Variants in C11orf65 observed in about 807,000 individuals in gnomAD.
C11orf65 encodes protein MFI.
C11orf65 carries 38 observed loss-of-function variants against 35.3 expected under a neutral mutation model. The observed-to-expected ratio is 1.08, with a 90% CI of 0.83 to 1.41. The LOEUF (loss-of-function observed/expected upper bound fraction) is 1.41, where lower values mean the gene tolerates loss of function less well. Ranked by LOEUF, C11orf65 falls within the 40% of genes most tolerant of loss-of-function variation. The pLI is 0.00. For missense variants in C11orf65, 370 were observed against 367.1 expected (o/e 1.01, Z -0.06); for synonymous variants, 105 against 114.4 (o/e 0.92, Z 0.53).
chr11:108,368,068 T>C (rs1192741829), intron 2 of C11orf65: 2 of 208,176 alleles, frequency 9.6e-6, no homozygotes, highest in Non-Finnish European at 2.0e-5. Flanking sequence ...ATCTACTCTT[T>C]AGCCTTGCAT....
intron 2 of C11orf65, among the ~76,000 whole-genome samples, chr11:108,362,509 T>C (rs1290673028): frequency 3.7e-4 from 55 of 149,772 alleles, no homozygotes; most frequent in African/African-American, 1.3e-3. Context: ...CGTATGTTTA[T>C]TGCGGCATTA....
intron 6 of C11orf65, chr11:108,320,126 A>G: frequency 1.6e-6 from 2 of 1,231,590 alleles, no homozygotes; most frequent in African/African-American, 1.5e-5. Flanking sequence ...TGAAAACTTG[A>G]GAAACAATTT....
At chr11:108,408,746 G>T (rs2092603054) in intron 3 of C11orf65, among the ~76,000 whole-genome samples, 1 of 111,462 alleles carries the variant, frequency 9.0e-6, no homozygotes, top group Non-Finnish European at 2.0e-5. Flanking sequence ...TATAAGAATT[G>T]TATATAATAG....
At chr11:108,310,076 A>G in intron 6 of C11orf65, 2 of 1,425,100 alleles carry the variant, frequency 1.4e-6, no homozygotes, top group Admixed American at 3.7e-5. Context: ...AGCAGTCACT[A>G]CCATTGTATT....
intron 2 of C11orf65, among the ~76,000 whole-genome samples, chr11:108,374,438 G>C (rs1031286466): frequency 1.6e-4 from 24 of 152,210 alleles, no homozygotes. Flanking sequence ...CTGTCTGTTA[G>C]AAGGAAAACT....
At chr11:108,374,665 G>A (rs1452486975) in intron 2 of C11orf65, among the ~76,000 whole-genome samples, 1 of 152,212 alleles carries the variant, frequency 6.6e-6, no homozygotes. Flanking sequence ...GAGAGAAGAA[G>A]GCTTCAGATG....
At chr11:108,341,502 G>A (rs909164773) in intron 2 of C11orf65, among the ~76,000 whole-genome samples, 4 of 152,070 alleles carry the variant, frequency 2.6e-5, no homozygotes, top group Middle Eastern at 3.2e-3. Flanking sequence ...CCCTAGCCCT[G>A]TGTGTAACAT....
chr11:108,387,025 T>C (rs1284594062), intron 7 of C11orf65, among the ~76,000 whole-genome samples: 2 of 149,914 alleles, frequency 1.3e-5, no homozygotes, highest in African/African-American at 2.5e-5. Context: ...GAGCTTGCAG[T>C]GAACTGAGAT....
At chr11:108,346,763 T>C (rs1159239910) in intron 2 of C11orf65, among the ~76,000 whole-genome samples, 1 of 152,162 alleles carries the variant, frequency 6.6e-6, no homozygotes, top group East Asian at 1.9e-4. Flanking sequence ...TTAGTGCATG[T>C]CATCATCTGT....
At chr11:108,398,755 T>C (rs1179938814) in intron 6 of C11orf65, among the ~76,000 whole-genome samples, 1 of 152,240 alleles carries the variant, frequency 6.6e-6, no homozygotes, top group Non-Finnish European at 1.5e-5. Context: ...CACACTTCCT[T>C]TGCTGTTAAT....
chr11:108,429,530 T>C (rs2092955630), intron 3 of C11orf65, among the ~76,000 whole-genome samples: 1 of 152,226 alleles, frequency 6.6e-6, no homozygotes, highest in Non-Finnish European at 1.5e-5. Context: ...ATAACCCTTG[T>C]GCATTATTGG....
intron 6 of C11orf65, among the ~76,000 whole-genome samples, chr11:108,399,735 TA>T (rs1218956573): frequency 6.6e-6 from 1 of 152,172 alleles, no homozygotes; most frequent in East Asian, 1.9e-4. Context: ...TATTTTACAC[TA>T]AAACAGTGCT....
intron 2 of C11orf65, among the ~76,000 whole-genome samples, chr11:108,453,774 T>A (rs1455162042): frequency 6.6e-6 from 1 of 152,204 alleles, no homozygotes. Flanking sequence ...ACTTGATCAT[T>A]ATTTTAATGT....
chr11:108,452,028 G>T (rs1382840282), intron 2 of C11orf65, among the ~76,000 whole-genome samples: 2 of 152,066 alleles, frequency 1.3e-5, no homozygotes, highest in Non-Finnish European at 2.9e-5. Context: ...AGACTTAAAC[G>T]TTAGACCTAA....
At chr11:108,359,881 A>C (rs147385157) in intron 2 of C11orf65, among the ~76,000 whole-genome samples, 7 of 152,190 alleles carry the variant, frequency 4.6e-5, no homozygotes, top group African/African-American at 1.7e-4. Context: ...ATCACAATTA[A>C]AAGAGCTAGA....
intron 2 of C11orf65, among the ~76,000 whole-genome samples, chr11:108,436,702 C>T (rs531473770): frequency 5.3e-4 from 81 of 152,112 alleles, no homozygotes; most frequent in African/African-American, 1.8e-3. Context: ...AAGACAAAGA[C>T]GCAATTTAAA....
chr11:108,365,631 T>G (rs573000957), intron 2 of C11orf65: 48 of 1,236,004 alleles, frequency 3.9e-5, no homozygotes, highest in South Asian at 2.9e-4. Flanking sequence ...TGGGTTTTTT[T>G]GAATGTTGGT....
At chr11:108,392,484 T>C (rs1478468070) in intron 7 of C11orf65, among the ~76,000 whole-genome samples, 1 of 152,230 alleles carries the variant, frequency 6.6e-6, no homozygotes, top group African/African-American at 2.4e-5. Flanking sequence ...ATGCACAGGT[T>C]TTTGTGTAGA....
At chr11:108,331,933 G>C (rs1555124521) in intron 3 of C11orf65, 1 of 1,613,824 alleles carries the variant, frequency 6.2e-7, no homozygotes, top group Non-Finnish European at 8.5e-7. Context: ...TATTATACTG[G>C]CCTTAGCAAA....
Sources: gnomAD v4.1 joint callset for allele counts (sites outside exome capture counted in the v4.1 genomes callset) on GRCh38, gnomAD v4.1.1 for gene constraint, MANE v1.5 for transcripts, NCBI Gene and HGNC (gene_info 2026-07-23, HGNC 2026-07-21) for gene names.